Variants in TAFA2 observed in about 807,000 individuals in gnomAD.
The protein encoded by TAFA2 is chemokine-like protein TAFA-2.
TAFA2 carries 7 observed loss-of-function variants against 18.8 expected under a neutral mutation model. That is an observed-to-expected ratio of 0.37 (90% confidence interval 0.21 to 0.70). TAFA2 has a LOEUF of 0.70. Among genes scored for constraint, TAFA2 ranks in the 30% least tolerant of loss-of-function variants. TAFA2 has a pLI of 0.53. For missense variants in TAFA2, 122 were observed against 158.1 expected (o/e 0.77, Z 1.23); for synonymous variants, 60 against 54.2 (o/e 1.11, Z -0.47).
At chr12:62,064,151 G>A (rs569157177) in intron 1 of TAFA2, among the ~76,000 whole-genome samples, 1 of 152,104 alleles carries the variant, frequency 6.6e-6, no homozygotes, top group African/African-American at 2.4e-5. Context: ...AAATGACAGC[G>A]CTGGAATTTT....
At chr12:62,052,304 C>G (rs1010755036) in intron 1 of TAFA2, among the ~76,000 whole-genome samples, 1 of 152,168 alleles carries the variant, frequency 6.6e-6, no homozygotes, top group Admixed American at 6.5e-5. Flanking sequence ...AGTGATCCTC[C>G]AGCCTTAGCC....
At chr12:61,876,471 T>C (rs975088594) in intron 1 of TAFA2, among the ~76,000 whole-genome samples, 11 of 152,196 alleles carry the variant, frequency 7.2e-5, no homozygotes, top group Non-Finnish European at 7.4e-5. Context: ...ATGGTCAATA[T>C]GCCAGCCAGC....
chr12:62,191,092 ATC>A (rs568536017), intron 1 of TAFA2, among the ~76,000 whole-genome samples, 165 bp downstream of exon 1: 2 of 151,774 alleles, frequency 1.3e-5, no homozygotes, highest in South Asian at 2.1e-4. Context: ...ATGGACCCGC[ATC>A]TGCCCTCACC....
At chr12:61,822,093 T>C (rs936433720) in intron 2 of TAFA2, among the ~76,000 whole-genome samples, 1 of 152,098 alleles carries the variant, frequency 6.6e-6, no homozygotes, top group African/African-American at 2.4e-5. Context: ...TTGCAAATGT[T>C]ATTTTTCTCA....
chr12:61,749,566 A>G (rs1488270857), intron 4 of TAFA2, among the ~76,000 whole-genome samples: 1 of 152,132 alleles, frequency 6.6e-6, no homozygotes, highest in East Asian at 1.9e-4. Flanking sequence ...TTTTCATTGC[A>G]TTATACAATA....
At chr12:61,809,007 T>C (rs1433049961) in intron 2 of TAFA2, among the ~76,000 whole-genome samples, 1 of 151,556 alleles carries the variant, frequency 6.6e-6, no homozygotes, top group Non-Finnish European at 1.5e-5. Flanking sequence ...TTTCTAAGTC[T>C]AGAAATAGAC....
chr12:61,892,255 G>A (rs964841), intron 1 of TAFA2, among the ~76,000 whole-genome samples: 65,791 of 151,798 alleles, frequency 0.43, 14,742 homozygotes, highest in Non-Finnish European at 0.47. Flanking sequence ...TCATTACTAC[G>A]ATGGAGAGAA....
chr12:61,890,020 C>A (rs1036601457), intron 1 of TAFA2, among the ~76,000 whole-genome samples: 2 of 152,188 alleles, frequency 1.3e-5, no homozygotes, highest in African/African-American at 4.8e-5. Flanking sequence ...AAAATGAACA[C>A]CAAAAATAGC....
intron 1 of TAFA2, among the ~76,000 whole-genome samples, chr12:62,153,643 C>T (rs1198434789): frequency 2.6e-5 from 4 of 151,664 alleles, no homozygotes; most frequent in African/African-American, 7.3e-5. Flanking sequence ...GCACTCCAGC[C>T]GGGTGACAGA....
intron 1 of TAFA2, chr12:62,145,442 C>A (rs2062273381): frequency 6.6e-6 from 1 of 152,192 alleles, no homozygotes; most frequent in South Asian, 2.1e-4. Flanking sequence ...ATCCCGAAAC[C>A]ATCCTCCGCA....
At chr12:62,141,277 A>G (rs958421919) in intron 1 of TAFA2, among the ~76,000 whole-genome samples, 1 of 152,196 alleles carries the variant, frequency 6.6e-6, no homozygotes, top group Non-Finnish European at 1.5e-5. Context: ...TGTTCTGTCT[A>G]TGTAGACTGA....
chr12:62,160,072 C>T (rs1173220774), intron 1 of TAFA2, among the ~76,000 whole-genome samples: 1 of 152,168 alleles, frequency 6.6e-6, no homozygotes, highest in African/African-American at 2.4e-5. Flanking sequence ...TGCCAGTTCC[C>T]ATACAGTCCC....
chr12:62,040,864 C>T (rs1291533917), intron 1 of TAFA2, among the ~76,000 whole-genome samples: 2 of 152,136 alleles, frequency 1.3e-5, no homozygotes, highest in Admixed American at 6.5e-5. Context: ...AAAAATTTCA[C>T]AGAAACTTCC....
At chr12:61,863,895 G>A (rs1299724879) in intron 2 of TAFA2, among the ~76,000 whole-genome samples, 1 of 152,148 alleles carries the variant, frequency 6.6e-6, no homozygotes, top group African/African-American at 2.4e-5. Flanking sequence ...GGGTAGACGA[G>A]GCCATCTATC....
intron 1 of TAFA2, among the ~76,000 whole-genome samples, chr12:62,114,231 T>C (rs1000804835): frequency 6.6e-6 from 1 of 152,172 alleles, no homozygotes; most frequent in Non-Finnish European, 1.5e-5. Flanking sequence ...ATGGCTTCCC[T>C]TGGCTAGGGG....
chr12:61,776,130 G>A, intron 2 of TAFA2: 1 of 417,762 alleles, frequency 2.4e-6, no homozygotes, highest in Middle Eastern at 7.8e-4. Flanking sequence ...TACCTAGCAT[G>A]CTGTTGGCAT....
At chr12:62,004,259 C>T (rs139400586) in intron 1 of TAFA2, among the ~76,000 whole-genome samples, 1 of 152,276 alleles carries the variant, frequency 6.6e-6, no homozygotes, top group African/African-American at 2.4e-5. Flanking sequence ...CTTCAAGCCT[C>T]TTTTAAAGTT....
intron 1 of TAFA2, among the ~76,000 whole-genome samples, chr12:61,943,915 G>T: frequency 7.0e-6 from 1 of 143,256 alleles, no homozygotes; most frequent in African/African-American, 2.7e-5. Flanking sequence ...AGTCAACAAG[G>T]ATACCCAGGA....
chr12:62,164,196 TC>T (rs1366917242), intron 1 of TAFA2, among the ~76,000 whole-genome samples: 10 of 152,120 alleles, frequency 6.6e-5, no homozygotes, highest in African/African-American at 1.2e-4. Context: ...AATAGCTGAG[TC>T]CATTGATCTG....
Sources: gnomAD v4.1 joint callset for allele counts (sites outside exome capture counted in the v4.1 genomes callset) on GRCh38, gnomAD v4.1.1 for gene constraint, MANE v1.5 for transcripts, NCBI Gene and HGNC (gene_info 2026-07-23, HGNC 2026-07-21) for gene names.